Variants in C2CD3 observed in about 807,000 individuals in gnomAD.
C2CD3 encodes the protein C2 domain-containing protein 3.
In C2CD3, 148 loss-of-function variants were observed where a neutral mutation model predicts 234.0. That is an observed-to-expected ratio of 0.63 (90% CI 0.55 to 0.72). The LOEUF (loss-of-function observed/expected upper bound fraction) is 0.72. Among genes scored for constraint, C2CD3 ranks in the 30% least tolerant of loss-of-function variants. C2CD3 has a pLI of 0.00. For missense variants in C2CD3, 2,577 were observed against 2,811.5 expected, an observed-to-expected ratio of 0.92 and a Z score of 1.89; for synonymous variants, 1,000 against 1,035.4, an observed-to-expected ratio of 0.97 and a Z score of 0.66.
At chr11:74,048,967 A>C (rs1277641822) in intron 27 of C2CD3, among the ~76,000 whole-genome samples, 1 of 152,138 alleles carries the variant, frequency 6.6e-6, no homozygotes, top group Non-Finnish European at 1.5e-5. Flanking sequence ...ATATTCTTTC[A>C]ATTATTTTTT....
intron 26 of C2CD3, among the ~76,000 whole-genome samples, 165 bp downstream of exon 26, chr11:74,054,442 T>C (rs1405945815): frequency 6.9e-6 from 1 of 145,542 alleles, no homozygotes; most frequent in Non-Finnish European, 1.5e-5. Flanking sequence ...TGTGGCCTTC[T>C]GGGGGATTAC....
intron 8 of C2CD3, among the ~76,000 whole-genome samples, chr11:74,120,062 A>G (rs1192218457): frequency 6.6e-6 from 1 of 152,124 alleles, no homozygotes; most frequent in Admixed American, 6.6e-5. Context: ...ATATAATGTC[A>G]ACTAATTTAA....
chr11:74,058,534 G>C (rs1425978099), intron 24 of C2CD3, among the ~76,000 whole-genome samples: 1 of 151,806 alleles, frequency 6.6e-6, no homozygotes. Context: ...AAATTAGTTG[G>C]TCACATATTT....
chr11:74,114,183 G>A (rs1266359043), intron 10 of C2CD3, among the ~76,000 whole-genome samples: 1 of 152,178 alleles, frequency 6.6e-6, no homozygotes, highest in Non-Finnish European at 1.5e-5. Context: ...TGTAAGAACA[G>A]AGTCTGTATC....
intron 7 of C2CD3, among the ~76,000 whole-genome samples, chr11:74,132,129 T>A (rs1028276466): frequency 6.6e-6 from 1 of 152,140 alleles, no homozygotes; most frequent in Non-Finnish European, 1.5e-5. Context: ...AGCGAGTGGA[T>A]CACTTGAGGT....
At chr11:74,124,663 C>T (rs186993047) in intron 7 of C2CD3, among the ~76,000 whole-genome samples, 1 of 152,304 alleles carries the variant, frequency 6.6e-6, no homozygotes, top group Admixed American at 6.5e-5. Context: ...TAACAACTTC[C>T]CAGTCGACAT....
chr11:74,072,382 G>A (rs1216731676), intron 24 of C2CD3, among the ~76,000 whole-genome samples: 2 of 152,188 alleles, frequency 1.3e-5, no homozygotes, highest in African/African-American at 4.8e-5. Flanking sequence ...CACAGGTTTT[G>A]TTTCTGTTCT....
At chr11:74,050,952 C>T (rs1953652108) in intron 26 of C2CD3, among the ~76,000 whole-genome samples, 1 of 151,384 alleles carries the variant, frequency 6.6e-6, no homozygotes, top group Non-Finnish European at 1.5e-5. Context: ...ACTCCCTGAG[C>T]CTCAGTCACA....
At chr11:74,082,855 GGCCATACT>G (rs1955453904) in intron 22 of C2CD3, among the ~76,000 whole-genome samples, 1 of 152,158 alleles carries the variant, frequency 6.6e-6, no homozygotes, top group Admixed American at 6.5e-5. Context: ...TTGTGAAAAT[GGCCATACT>G]GCCGAAGGTA....
At chr11:74,064,409 A>G (rs1308202347) in intron 24 of C2CD3, among the ~76,000 whole-genome samples, 7 of 152,208 alleles carry the variant, frequency 4.6e-5, no homozygotes, top group Non-Finnish European at 1.5e-5. Context: ...CCATTGCTCA[A>G]TGAAATAAAA....
chr11:74,139,729 A>C lies in C2CD3; in HGVS notation c.583T>G (p.Phe195Val). The C allele has an allele frequency of 6.2e-7, 1 of 1,613,600 alleles. No individual in the cohort carries two copies. Among genetic ancestry groups the C allele is most frequent in the Non-Finnish European group, 8.5e-7 (1 of 1,179,566 alleles). ...CTGCTGGGTTCAGTATTCTCTCTGA[A>C]TCCCTGCTTAGATAAAAGCACATTT... ...TENVLLSKQG[F>V]RENTEPSSTQ... is the part of the protein sequence containing the mutation. The change falls in exon 4 of 33, where the codon TTC (phenylalanine) becomes GTC (valine). Residue 195 changes from phenylalanine (F) to valine (V), a missense_variant. Coordinates refer to ENST00000334126, the MANE Select transcript of C2CD3 (RefSeq NM_001286577.2).
intron 3 of C2CD3, among the ~76,000 whole-genome samples, chr11:74,156,013 T>C (rs1450960811): frequency 1.3e-5 from 2 of 151,884 alleles, no homozygotes; most frequent in African/African-American, 2.4e-5. Context: ...CAGTGGGTCA[T>C]GCCTGTAATC....
rs977652665 is a variant in C2CD3 at position 74,093,913 on chromosome 11, A to G, written c.3247T>C (p.Leu1083=). 2.5e-6 allele frequency: 4 copies of G among 1,613,972 alleles called. No homozygotes were observed. Among genetic ancestry groups the G allele is most frequent in the East Asian group, 2.2e-5 (1 of 44,892 alleles). Residue 1083 remains leucine, a synonymous_variant, in exon 18 of 33, where the codon TTG becomes CTG. Coordinates refer to ENST00000334126, the MANE Select transcript of C2CD3 (RefSeq NM_001286577.2). Reference sequence around the variant, plus strand: ...CTTTGCACTGGAACCTCAGCTGGCAACAGGAGAGAGTGATGGTGTTCACTA... The same window carrying G: ...CTTTGCACTGGAACCTCAGCTGGCAGCAGGAGAGAGTGATGGTGTTCACTA... ...FNSEHHHSLL[L]PAEVPVQRLL... is the part of the protein sequence containing the mutation.
intron 3 of C2CD3, among the ~76,000 whole-genome samples, chr11:74,155,368 A>T (rs1855941627): frequency 6.6e-6 from 1 of 152,226 alleles, no homozygotes. Context: ...TTAAAAATAG[A>T]GTTACCATAT....
chr11:74,054,465 A>G, intron 26 of C2CD3, 142 bp downstream of exon 26: 1 of 540,742 alleles, frequency 1.8e-6, no homozygotes, highest in East Asian at 3.1e-5. Flanking sequence ...TCTACCACAT[A>G]TCTGCATTCC....
At chr11:74,082,624 AG>A (rs1261143661) in intron 22 of C2CD3, among the ~76,000 whole-genome samples, 6 of 152,142 alleles carry the variant, frequency 3.9e-5, no homozygotes, top group Non-Finnish European at 8.8e-5. Context: ...CTTGCATCCC[AG>A]GGATGAAGCC....
chr11:74,153,840 T>A (rs1244672697), intron 3 of C2CD3, among the ~76,000 whole-genome samples: 1 of 152,036 alleles, frequency 6.6e-6, no homozygotes, highest in Non-Finnish European at 1.5e-5. Flanking sequence ...GAAATTCTAA[T>A]CTGCAACAAG....
At chr11:74,069,357 A>G (rs1209151839) in intron 24 of C2CD3, among the ~76,000 whole-genome samples, 1 of 152,248 alleles carries the variant, frequency 6.6e-6, no homozygotes, top group African/African-American at 2.4e-5. Flanking sequence ...AAGCAGCCCA[A>G]AAGAAGGCTG....
At chr11:74,158,581 G>A (rs1409508182) in intron 3 of C2CD3, among the ~76,000 whole-genome samples, 1 of 152,014 alleles carries the variant, frequency 6.6e-6, no homozygotes, top group Non-Finnish European at 1.5e-5. Context: ...AACTAGCCAG[G>A]CGTGTTGGTG....
Sources: gnomAD v4.1 joint callset for allele counts (sites outside exome capture counted in the v4.1 genomes callset) on GRCh38, gnomAD v4.1.1 for gene constraint, MANE v1.5 for transcripts, NCBI Gene and HGNC (gene_info 2026-07-23, HGNC 2026-07-21) for gene names.